Variants in MARCHF1 observed in about 807,000 individuals in gnomAD.
The protein encoded by MARCHF1 is E3 ubiquitin-protein ligase MARCHF1.
MARCHF1 carries 40 observed loss-of-function variants against 54.2 expected under a neutral mutation model. The ratio of observed to expected loss-of-function variants is 0.74; its 90% CI spans 0.57 to 0.96. The LOEUF is 0.96. Among genes scored for constraint, MARCHF1 ranks in the 40% least tolerant of loss-of-function variants. The pLI, the probability that MARCHF1 is intolerant of heterozygous loss-of-function variation, is 0.00. For synonymous variants in MARCHF1, 236 were observed against 236.3 expected (o/e 1.00, Z 0.01); for missense variants, 586 against 656.5 (o/e 0.89, Z 1.17).
chr4:163,681,424 T>C (rs1388397633), intron 5 of MARCHF1, among the ~76,000 whole-genome samples: 1 of 152,152 alleles, frequency 6.6e-6, no homozygotes. Flanking sequence ...GATAGTCACA[T>C]CATAGGCTGA....
At chr4:163,698,456 G>A (rs1447465195) in intron 5 of MARCHF1, among the ~76,000 whole-genome samples, 1 of 152,196 alleles carries the variant, frequency 6.6e-6, no homozygotes, top group Non-Finnish European at 1.5e-5. Context: ...GTAAACTCAT[G>A]TGCACTGAAA....
chr4:163,888,080 T>C (rs1437563339), intron 3 of MARCHF1, among the ~76,000 whole-genome samples: 1 of 152,182 alleles, frequency 6.6e-6, no homozygotes, highest in Non-Finnish European at 1.5e-5. Context: ...ATGTCTGCGC[T>C]TTAAAACTAT....
At chr4:164,197,171 C>G in intron 1 of MARCHF1, 1 of 1,608,134 alleles carries the variant, frequency 6.2e-7, no homozygotes, top group Non-Finnish European at 8.5e-7. Flanking sequence ...TCTTCCACTA[C>G]CTGAGCATCT....
chr4:163,597,604 C>A (rs773526355), intron 7 of MARCHF1, among the ~76,000 whole-genome samples: 14 of 152,032 alleles, frequency 9.2e-5, no homozygotes, highest in Non-Finnish European at 1.5e-5. Context: ...AATTTTATTT[C>A]TAGTAACTAC....
intron 4 of MARCHF1, among the ~76,000 whole-genome samples, chr4:163,817,855 G>A (rs888866077): frequency 6.7e-6 from 1 of 148,434 alleles, no homozygotes; most frequent in Non-Finnish European, 1.5e-5. Flanking sequence ...GTAAACTATC[G>A]CAAGGACAAA....
chr4:164,277,354 C>A (rs534644373), intron 1 of MARCHF1, among the ~76,000 whole-genome samples: 1 of 152,114 alleles, frequency 6.6e-6, no homozygotes, highest in Admixed American at 6.5e-5. Flanking sequence ...TGTTTAAAGC[C>A]CTTCATTGGC....
intron 5 of MARCHF1, among the ~76,000 whole-genome samples, chr4:163,633,261 G>A (rs555596980): frequency 6.6e-6 from 1 of 152,334 alleles, no homozygotes; most frequent in South Asian, 2.1e-4. Context: ...ACTTTGACGA[G>A]CTGAGAGAAG....
intron 2 of MARCHF1, among the ~76,000 whole-genome samples, chr4:164,051,178 A>G (rs1754357179): frequency 6.6e-6 from 1 of 152,184 alleles, no homozygotes; most frequent in South Asian, 2.1e-4. Flanking sequence ...TTTATCTTAT[A>G]TATAATGATG....
chr4:163,721,013 C>A (rs962930417), intron 4 of MARCHF1, among the ~76,000 whole-genome samples: 1 of 152,102 alleles, frequency 6.6e-6, no homozygotes. Context: ...AATTGAATAC[C>A]TTTTATTTCT....
At chr4:163,797,543 T>G (rs1747952561) in intron 4 of MARCHF1, among the ~76,000 whole-genome samples, 1 of 152,112 alleles carries the variant, frequency 6.6e-6, no homozygotes, top group Admixed American at 6.6e-5. Flanking sequence ...TTCATGTTAT[T>G]CTTAGTTTTA....
intron 4 of MARCHF1, among the ~76,000 whole-genome samples, chr4:163,718,027 A>C (rs1459474742): frequency 6.6e-6 from 1 of 152,178 alleles, no homozygotes; most frequent in Non-Finnish European, 1.5e-5. Flanking sequence ...TCTCTGACAA[A>C]CCTGACAAAA....
At chr4:163,676,311 TGC>T (rs1320125185) in intron 5 of MARCHF1, among the ~76,000 whole-genome samples, 1 of 149,202 alleles carries the variant, frequency 6.7e-6, no homozygotes, top group East Asian at 2.0e-4. Flanking sequence ...GAGCCGAGGT[TGC>T]GCCATTGCAC....
intron 1 of MARCHF1, among the ~76,000 whole-genome samples, chr4:164,201,136 C>A (rs1209840305): frequency 6.6e-6 from 1 of 152,188 alleles, no homozygotes; most frequent in Non-Finnish European, 1.5e-5. Flanking sequence ...TGGGTTTTAT[C>A]TTAGCATAAT....
At chr4:164,290,495 T>C (rs892942101) in intron 1 of MARCHF1, among the ~76,000 whole-genome samples, 1 of 151,906 alleles carries the variant, frequency 6.6e-6, no homozygotes, top group Non-Finnish European at 1.5e-5. Flanking sequence ...TTTGGTGATG[T>C]CACTAAATGA....
intron 1 of MARCHF1, among the ~76,000 whole-genome samples, chr4:164,242,060 C>T (rs1490622074): frequency 6.6e-6 from 1 of 152,172 alleles, no homozygotes; most frequent in African/African-American, 2.4e-5. Flanking sequence ...GAGGGGCGCC[C>T]GCCATTGCCC....
chr4:164,366,449 T>C (rs1730882809), intron 1 of MARCHF1, among the ~76,000 whole-genome samples: 1 of 152,000 alleles, frequency 6.6e-6, no homozygotes, highest in South Asian at 2.1e-4. Context: ...TAATATTGTA[T>C]TTTTTTCTTT....
chr4:163,712,461 T>G (rs1190186568), intron 4 of MARCHF1, among the ~76,000 whole-genome samples: 3 of 152,182 alleles, frequency 2.0e-5, no homozygotes, highest in Non-Finnish European at 2.9e-5. Flanking sequence ...GAGGAAAATG[T>G]ATGATTCCTG....
intron 2 of MARCHF1, among the ~76,000 whole-genome samples, chr4:163,990,806 A>G (rs1752955449): frequency 6.6e-6 from 1 of 152,172 alleles, no homozygotes; most frequent in South Asian, 2.1e-4. Context: ...GTAAATTATG[A>G]AACTCTTTAG....
At chr4:163,713,887 A>G (rs1480421723) in intron 4 of MARCHF1, among the ~76,000 whole-genome samples, 1 of 152,240 alleles carries the variant, frequency 6.6e-6, no homozygotes, top group Non-Finnish European at 1.5e-5. Context: ...TTGGCAATAC[A>G]TAATGAAAAT....
Sources: allele counts gnomAD v4.1 joint callset (sites outside exome capture counted in the v4.1 genomes callset), GRCh38; gene constraint gnomAD v4.1.1; transcripts MANE v1.5; gene names NCBI Gene and HGNC (gene_info 2026-07-23, HGNC 2026-07-21).